The following NELL1 variants were observed in gnomAD, a reference collection of about 807,000 sequenced individuals.
NELL1 encodes the protein neural EGFL like 1.
In NELL1, 76 loss-of-function variants were observed where a neutral mutation model predicts 107.4. The observed-to-expected ratio is 0.71, with a 90% CI of 0.59 to 0.86. NELL1 has a LOEUF of 0.86. NELL1 is among the 40% of genes least tolerant of loss of function. The pLI, the probability that NELL1 is intolerant of heterozygous loss-of-function variation, is 0.00. For missense variants in NELL1, 1,024 were observed against 1,005.5 expected (o/e 1.02, Z -0.25); for synonymous variants, 353 against 341.2 (o/e 1.03, Z -0.38).
chr11:20,872,050 C>A (rs1849210561), intron 4 of NELL1, among the ~76,000 whole-genome samples: 1 of 144,364 alleles, frequency 6.9e-6, no homozygotes, highest in African/African-American at 2.5e-5. Flanking sequence ...AAAGAAGAGG[C>A]CCAACTACTT....
rs531631252 is a variant in NELL1 at position 21,357,585 on chromosome 11, T to C, written c.1550-13268T>C. ...TTGTCCATAGTTAGTGAATATTTTC[T>C]CCTGTTCTGTGGGTTGTCTGTTTGC... On this transcript the variant is annotated intron_variant, in intron 14 of 19. Transcript: ENST00000357134. 1.2e-4 allele frequency among the ~76,000 whole-genome samples: 19 copies of C among 152,358 alleles called. 1 individual carries two copies. The highest frequency in any genetic ancestry group is 2.2e-4 in the Non-Finnish European group (15 of 68,036).
chr11:20,702,676 T>C (rs1854826298), intron 2 of NELL1, among the ~76,000 whole-genome samples: 1 of 152,228 alleles, frequency 6.6e-6, no homozygotes, highest in Non-Finnish European at 1.5e-5. Context: ...TATTTTGAGA[T>C]ACGTCCCATC....
At chr11:20,918,896 A>G (rs1457988909) in intron 6 of NELL1, among the ~76,000 whole-genome samples, 2 of 152,032 alleles carry the variant, frequency 1.3e-5, no homozygotes, top group African/African-American at 2.4e-5. Flanking sequence ...ATATTTTTAA[A>G]AACTATTCCT....
intron 2 of NELL1, among the ~76,000 whole-genome samples, chr11:20,719,822 C>A (rs1829469674): frequency 6.6e-6 from 1 of 152,188 alleles, no homozygotes; most frequent in African/African-American, 2.4e-5. Context: ...TTCCAATCAG[C>A]CATGGTATGT....
intron 15 of NELL1, among the ~76,000 whole-genome samples, chr11:21,381,767 C>T (rs1405936526): frequency 6.6e-6 from 1 of 151,808 alleles, no homozygotes; most frequent in African/African-American, 2.4e-5. Flanking sequence ...TCTCTGTTCC[C>T]ACAAACATTT....
chr11:20,797,209 A>G (rs1479615085), intron 3 of NELL1, among the ~76,000 whole-genome samples: 1 of 152,198 alleles, frequency 6.6e-6, no homozygotes, highest in Non-Finnish European at 1.5e-5. Flanking sequence ...GTACTTTAGA[A>G]AGACCACACT....
At chr11:20,792,791 T>C (rs1346743999) in intron 3 of NELL1, among the ~76,000 whole-genome samples, 1 of 152,002 alleles carries the variant, frequency 6.6e-6, no homozygotes, top group Non-Finnish European at 1.5e-5. Context: ...GCAGTAGTAG[T>C]AACTACATTA....
At chr11:21,372,851 T>C (rs1221810275) in intron 15 of NELL1, among the ~76,000 whole-genome samples, 1 of 152,050 alleles carries the variant, frequency 6.6e-6, no homozygotes, top group African/African-American at 2.4e-5. Flanking sequence ...TTGATTATGG[T>C]GTCTCATGCC....
At chr11:20,710,771 G>A (rs1855092326) in intron 2 of NELL1, among the ~76,000 whole-genome samples, 1 of 151,718 alleles carries the variant, frequency 6.6e-6, no homozygotes, top group Non-Finnish European at 1.5e-5. Flanking sequence ...TAGGAGGGTT[G>A]GATTTTATCC....
intron 15 of NELL1, among the ~76,000 whole-genome samples, chr11:21,505,407 G>T (rs1855254702): frequency 6.6e-6 from 1 of 152,018 alleles, no homozygotes; most frequent in African/African-American, 2.4e-5. Flanking sequence ...AAAAAACAGT[G>T]ATTTCCCATT....
At chr11:21,450,208 T>C (rs1853543205) in intron 15 of NELL1, among the ~76,000 whole-genome samples, 1 of 152,200 alleles carries the variant, frequency 6.6e-6, no homozygotes, top group Admixed American at 6.5e-5. Context: ...ATAAACTCTT[T>C]TAATCTGATA....
intron 5 of NELL1, among the ~76,000 whole-genome samples, chr11:20,917,702 C>G (rs986603962): frequency 2.0e-5 from 3 of 151,948 alleles, no homozygotes; most frequent in Admixed American, 2.0e-4. Flanking sequence ...AACAAAGACT[C>G]ATGTTACTCA....
intron 14 of NELL1, among the ~76,000 whole-genome samples, chr11:21,276,599 A>G (rs1195196092): frequency 6.6e-6 from 1 of 152,194 alleles, no homozygotes; most frequent in Non-Finnish European, 1.5e-5. Flanking sequence ...AGTCAATCCT[A>G]AGCCAAAAGA....
intron 15 of NELL1, among the ~76,000 whole-genome samples, chr11:21,493,167 GA>G (rs1319254287): frequency 2.6e-5 from 4 of 152,014 alleles, no homozygotes; most frequent in East Asian, 3.9e-4. Context: ...CCACTATGGA[GA>G]ACAGTACACT....
At chr11:20,722,115 G>A (rs1756010037) in intron 2 of NELL1, among the ~76,000 whole-genome samples, 1 of 150,478 alleles carries the variant, frequency 6.6e-6, no homozygotes, top group South Asian at 2.1e-4. Context: ...GCATCTCCCA[G>A]GTTCAAGTGA....
intron 15 of NELL1, among the ~76,000 whole-genome samples, chr11:21,515,554 GC>G (rs1413949217): frequency 6.6e-6 from 1 of 152,090 alleles, no homozygotes; most frequent in African/African-American, 2.4e-5. Context: ...TCCACTTTGA[GC>G]CATTTTCTCT....
Position 20,927,324 on chromosome 11 carries a change from C to A in NELL1, c.776C>A (p.Thr259Lys), listed in dbSNP as rs561118555. The change falls in exon 8 of 20, where the codon ACA (threonine) becomes AAA (lysine). Residue 259 changes from threonine (T) to lysine (K), a missense_variant. Physicochemically the swap from Thr to Lys is moderately conservative, Grantham distance 78. Coordinates refer to ENST00000357134, the MANE Select transcript of NELL1 (RefSeq NM_006157.5). Reference sequence around the variant, plus strand: ...TGTTTGCAGCTAAATTATGCAGAGACAAGACTTAGTCAATTGGAAAACTGT... The same window carrying A: ...TGTTTGCAGCTAAATTATGCAGAGAAAAGACTTAGTCAATTGGAAAACTGT... ...KMTAKLNYAE[T>K]RLSQLENCHC... 3.3e-4 allele frequency: 537 copies of A among 1,611,052 alleles called. 7 individuals carry two copies. The South Asian group carries it at 4.5e-3, about 13-fold the overall frequency.
chr11:20,859,484 T>C (rs988889187), intron 4 of NELL1, among the ~76,000 whole-genome samples: 4 of 152,196 alleles, frequency 2.6e-5, no homozygotes, highest in Admixed American at 2.0e-4. Context: ...GACATAATCT[T>C]ACATCACGAC....
At chr11:21,205,501 A>G (rs1475362820) in intron 13 of NELL1, among the ~76,000 whole-genome samples, 1 of 152,160 alleles carries the variant, frequency 6.6e-6, no homozygotes, top group Non-Finnish European at 1.5e-5. Context: ...GGTGGACTTC[A>G]GACCGCCGTG....
Sources: gnomAD v4.1 joint callset for allele counts (sites outside exome capture counted in the v4.1 genomes callset) on GRCh38, gnomAD v4.1.1 for gene constraint, MANE v1.5 for transcripts, NCBI Gene and HGNC (gene_info 2026-07-23, HGNC 2026-07-21) for gene names.